Variants in FSTL5 observed in about 807,000 individuals in gnomAD.
FSTL5 encodes the protein follistatin-related protein 5.
FSTL5 carries 62 observed loss-of-function variants against 89.1 expected under a neutral mutation model. The ratio of observed to expected loss-of-function variants is 0.70; its 90% confidence interval spans 0.57 to 0.86. The LOEUF is 0.86. Among genes scored for constraint, FSTL5 ranks in the 40% least tolerant of loss-of-function variants. FSTL5 has a pLI of 0.00. For synonymous variants in FSTL5, 383 were observed against 346.2 expected, an observed-to-expected ratio of 1.11 and a Z score of -1.18; for missense variants, 1,057 against 1,001.6, an observed-to-expected ratio of 1.06 and a Z score of -0.75.
At chr4:162,080,091 T>A (rs1408313094) in intron 2 of FSTL5, among the ~76,000 whole-genome samples, 3 of 151,592 alleles carry the variant, frequency 2.0e-5, no homozygotes, top group African/African-American at 4.8e-5. Flanking sequence ...CTACTTCACA[T>A]GAGCCTTTAA....
intron 4 of FSTL5, among the ~76,000 whole-genome samples, chr4:161,780,261 CAGA>C (rs1741616480): frequency 6.6e-6 from 1 of 151,428 alleles, no homozygotes; most frequent in Non-Finnish European, 1.5e-5. Context: ...ACGGTTAATA[CAGA>C]AGAAGAGACA....
chr4:161,578,027 A>G (rs1560962543), intron 8 of FSTL5, among the ~76,000 whole-genome samples: 1 of 152,132 alleles, frequency 6.6e-6, no homozygotes, highest in Non-Finnish European at 1.5e-5. Flanking sequence ...GCCTAAACAA[A>G]ACTCAATGCT....
chr4:161,550,177 AT>A (rs978609844), intron 8 of FSTL5, among the ~76,000 whole-genome samples: 4 of 151,834 alleles, frequency 2.6e-5, no homozygotes, highest in African/African-American at 7.2e-5. Context: ...TGCCCTTAAT[AT>A]TTTTAGAAGC....
intron 7 of FSTL5, among the ~76,000 whole-genome samples, chr4:161,652,905 T>C (rs893422894): frequency 9.2e-5 from 14 of 152,162 alleles, no homozygotes; most frequent in Admixed American, 6.6e-4. Context: ...TTAATGGGAA[T>C]TAAATTCACT....
intron 8 of FSTL5, among the ~76,000 whole-genome samples, chr4:161,564,872 TG>T (rs966149226): frequency 2.0e-4 from 30 of 151,968 alleles, no homozygotes; most frequent in African/African-American, 6.7e-4. Flanking sequence ...AAAAATGAGC[TG>T]GAGGAAACTT....
At chr4:161,710,485 T>C (rs1375363346) in intron 6 of FSTL5, among the ~76,000 whole-genome samples, 1 of 152,140 alleles carries the variant, frequency 6.6e-6, no homozygotes, top group East Asian at 1.9e-4. Context: ...TTCTAAACCA[T>C]GGTGTTTAAT....
intron 3 of FSTL5, among the ~76,000 whole-genome samples, chr4:161,979,177 C>A (rs1033073392): frequency 6.6e-6 from 1 of 152,078 alleles, no homozygotes; most frequent in African/African-American, 2.4e-5. Flanking sequence ...TGTCCTAGCC[C>A]ATATTGGCTT....
At chr4:161,943,389 GATTA>G (rs1364677414) in intron 3 of FSTL5, among the ~76,000 whole-genome samples, 1 of 151,402 alleles carries the variant, frequency 6.6e-6, no homozygotes, top group Non-Finnish European at 1.5e-5. Context: ...AACATAATAT[GATTA>G]ATTATGAATT....
At chr4:162,136,143 AC>A (rs1439318158) in intron 1 of FSTL5, among the ~76,000 whole-genome samples, 3 of 151,876 alleles carry the variant, frequency 2.0e-5, no homozygotes, top group African/African-American at 7.3e-5. Context: ...TCTCTCCCAC[AC>A]CCCAAAATTC....
intron 6 of FSTL5, among the ~76,000 whole-genome samples, chr4:161,712,283 TAA>T (rs970959229): frequency 6.6e-6 from 1 of 152,018 alleles, no homozygotes; most frequent in Non-Finnish European, 1.5e-5. Flanking sequence ...TAAATATTAA[TAA>T]AAGTGTTTAA....
intron 13 of FSTL5, among the ~76,000 whole-genome samples, chr4:161,461,419 C>CCATTGCA (rs1452257957): frequency 7.6e-6 from 1 of 132,130 alleles, no homozygotes; most frequent in Non-Finnish European, 1.5e-5. Flanking sequence ...AGAGATCACG[C>CCATTGCA]CATTGCACTC....
chr4:162,031,466 G>A (rs1316624750), intron 3 of FSTL5, among the ~76,000 whole-genome samples: 1 of 151,982 alleles, frequency 6.6e-6, no homozygotes, highest in East Asian at 1.9e-4. Context: ...GTTGAAAATG[G>A]GTTTTTAATC....
chr4:161,706,547 TAAC>T (rs1280673620), intron 6 of FSTL5, among the ~76,000 whole-genome samples: 1 of 152,056 alleles, frequency 6.6e-6, no homozygotes, highest in Non-Finnish European at 1.5e-5. Context: ...GGATAACTCT[TAAC>T]AATCCGGAAA....
chr4:161,639,845 G>A (rs1315187606), intron 7 of FSTL5, among the ~76,000 whole-genome samples: 1 of 152,094 alleles, frequency 6.6e-6, no homozygotes, highest in Non-Finnish European at 1.5e-5. Flanking sequence ...GATCCCACAG[G>A]TTTAGATGAA....
At chr4:162,102,614 T>C (rs1379158627) in intron 2 of FSTL5, among the ~76,000 whole-genome samples, 1 of 146,098 alleles carries the variant, frequency 6.8e-6, no homozygotes, top group Non-Finnish European at 1.5e-5. Context: ...TTATATTATA[T>C]ATAAAATATT....
chr4:161,793,290 C>T (rs187681896), intron 4 of FSTL5, among the ~76,000 whole-genome samples: 3 of 152,328 alleles, frequency 2.0e-5, no homozygotes, highest in Admixed American at 2.0e-4. Flanking sequence ...GGTAGTGTGC[C>T]AGGCCTAGTG....
intron 2 of FSTL5, among the ~76,000 whole-genome samples, chr4:162,036,671 G>T (rs1347901734): frequency 6.6e-6 from 1 of 151,878 alleles, no homozygotes; most frequent in Non-Finnish European, 1.5e-5. Context: ...AAAATTACAG[G>T]AGAAAAATCA....
chr4:161,386,993 A>C (rs1227011870), intron 15 of FSTL5: 1 of 154,290 alleles, frequency 6.5e-6, no homozygotes, highest in African/African-American at 2.4e-5. Context: ...CCTGCATTTT[A>C]TTTGTTATCC....
chr4:161,598,375 A>AAAACAAACAAAC lies in FSTL5; in HGVS notation c.895-10812_895-10801dup, dbSNP rs34689880. On this transcript the variant is annotated intron_variant, in intron 7 of 15. Coordinates refer to ENST00000306100, the MANE Select transcript of FSTL5 (RefSeq NM_020116.5). ...CAGTGACAGAGTGAGACCCTGTCTC[A>AAAACAAACAAAC]AAACAAACAAACAAACAAACAAACA... Among the ~76,000 whole-genome samples, 304 of 149,802 alleles carry AAAACAAACAAAC rather than the reference A, an allele frequency of 2.0e-3. 3 individuals carry two copies. In the Middle Eastern group the frequency reaches 0.024, roughly 12 times the overall value.
Sources: allele counts gnomAD v4.1 joint callset (sites outside exome capture counted in the v4.1 genomes callset), GRCh38; gene constraint gnomAD v4.1.1; transcripts MANE v1.5; gene names NCBI Gene and HGNC (gene_info 2026-07-23, HGNC 2026-07-21).